Variants in COL24A1 observed in about 807,000 individuals in gnomAD.
COL24A1 encodes the protein collagen type XXIV alpha 1 chain, also known as collagen alpha-1(XXIV) chain.
A neutral mutation model predicts 253.9 loss-of-function variants in COL24A1; 224 were observed. The observed-to-expected ratio is 0.88, with a 90% CI of 0.79 to 0.99. The LOEUF is 0.99. Among genes scored for constraint, COL24A1 ranks in the 50% least tolerant of loss-of-function variants. The pLI, the probability that COL24A1 is intolerant of heterozygous loss-of-function variation, is 0.00. For missense variants in COL24A1, 2,131 were observed against 2,068.5 expected (o/e 1.03, Z -0.59); for synonymous variants, 685 against 673.7 (o/e 1.02, Z -0.26).
chr1:85,848,299 G>T (rs1016340463), intron 38 of COL24A1, among the ~76,000 whole-genome samples: 2 of 152,006 alleles, frequency 1.3e-5, no homozygotes, highest in African/African-American at 4.8e-5. Flanking sequence ...TAGACACACT[G>T]ACCTTTCTTT....
intron 37 of COL24A1, among the ~76,000 whole-genome samples, chr1:85,858,633 T>A (rs1025122223): frequency 8.0e-6 from 1 of 124,326 alleles, no homozygotes; most frequent in African/African-American, 3.7e-5. Flanking sequence ...CCTTCCTTCC[T>A]TCCTTCCTTC....
intron 24 of COL24A1, among the ~76,000 whole-genome samples, chr1:85,918,874 T>C (rs1686174026): frequency 6.6e-6 from 1 of 152,214 alleles, no homozygotes; most frequent in Non-Finnish European, 1.5e-5. Context: ...GTTTGAAATA[T>C]TCACTGCTCC....
intron 2 of COL24A1, among the ~76,000 whole-genome samples, chr1:86,128,882 A>G (rs922458320): frequency 4.6e-5 from 7 of 152,034 alleles, no homozygotes; most frequent in Non-Finnish European, 1.0e-4. Flanking sequence ...TAATAGTTTT[A>G]TGTAGAATCA....
chr1:85,852,769 A>G (rs1482586351), intron 37 of COL24A1, among the ~76,000 whole-genome samples: 1 of 152,096 alleles, frequency 6.6e-6, no homozygotes, highest in Non-Finnish European at 1.5e-5. Flanking sequence ...AAAATATCTA[A>G]CTGCTCATTG....
intron 2 of COL24A1, among the ~76,000 whole-genome samples, chr1:86,129,745 G>C (rs1272631307): frequency 6.6e-6 from 1 of 151,720 alleles, no homozygotes; most frequent in African/African-American, 2.4e-5. Flanking sequence ...ATAGTATTAT[G>C]ATCAGAGAAT....
At chr1:85,777,886 A>T (rs1231565833) in intron 52 of COL24A1, among the ~76,000 whole-genome samples, 1 of 152,098 alleles carries the variant, frequency 6.6e-6, no homozygotes, top group Non-Finnish European at 1.5e-5. Flanking sequence ...TTTTATTATA[A>T]AACAATAGTT....
chr1:85,733,430 G>C (rs1431159252), intron 59 of COL24A1, among the ~76,000 whole-genome samples: 1 of 152,172 alleles, frequency 6.6e-6, no homozygotes, highest in Non-Finnish European at 1.5e-5. Flanking sequence ...TAGATAATAA[G>C]TAAATGAATT....
intron 51 of COL24A1, 102 bp from the exon 52 acceptor site, chr1:85,781,375 A>C: frequency 1.3e-6 from 1 of 748,826 alleles, no homozygotes; most frequent in African/African-American, 1.8e-5. Context: ...TGTCTACATA[A>C]TTATCCTTTT....
chr1:86,050,292 C>T, intron 10 of COL24A1, 115 bp from the exon 11 acceptor site: 2 of 701,666 alleles, frequency 2.9e-6, no homozygotes, highest in South Asian at 3.1e-5. Flanking sequence ...ACAAGACTTA[C>T]AAGTGCGAAT....
intron 7 of COL24A1, among the ~76,000 whole-genome samples, chr1:86,081,676 G>A (rs1469154467): frequency 2.6e-5 from 4 of 152,144 alleles, no homozygotes; most frequent in African/African-American, 4.8e-5. Context: ...AATTGGTCAC[G>A]ATGCACTCCA....
At chr1:85,837,726 T>C (rs1676169691) in intron 43 of COL24A1, among the ~76,000 whole-genome samples, 1 of 152,170 alleles carries the variant, frequency 6.6e-6, no homozygotes, top group African/African-American at 2.4e-5. Flanking sequence ...GAGAGCAAGA[T>C]TACCGTTAGT....
rs1240422146 is a variant in COL24A1, at chr1:85,823,874, G to A, written c.3682-136C>T. On this transcript the variant is annotated intron_variant, in intron 43 of 59. Coordinates refer to ENST00000370571, the MANE Select transcript of COL24A1 (RefSeq NM_152890.7). ...GTCGTAGAGATTATGATTCTTCTTG[G>A]AAATAGAAAAGAACATAATAGCTGT... The A allele has an allele frequency of 3.9e-6, 3 of 762,190 alleles. No individual in the cohort carries two copies. In the East Asian group the frequency reaches 7.7e-5, roughly 19 times the overall value. The allele number at this position is 762,190 out of a possible 1,614,324, so 47.2% of individuals were successfully genotyped here.
chr1:86,064,578 C>T (rs756381160), intron 7 of COL24A1, among the ~76,000 whole-genome samples: 6 of 152,078 alleles, frequency 3.9e-5, no homozygotes, highest in Admixed American at 6.6e-5. Flanking sequence ...AAAGAAATTC[C>T]TTTTCTTAAG....
chr1:85,989,881 C>G lies in COL24A1; in HGVS notation c.2311-2227G>C, dbSNP rs578091006. Reference sequence around the variant, plus strand: ...TTACTTGCAAACTTTTCTTTGACCTCCATACCTTGAATTAGGTTGCTTCTA... The same window carrying G: ...TTACTTGCAAACTTTTCTTTGACCTGCATACCTTGAATTAGGTTGCTTCTA... On this transcript the variant is annotated intron_variant, in intron 19 of 59. Coordinates refer to ENST00000370571, the MANE Select transcript of COL24A1 (RefSeq NM_152890.7). 1.2e-4 allele frequency among the ~76,000 whole-genome samples: 18 copies of G among 152,304 alleles called. No homozygotes were observed. In the South Asian group the frequency reaches 2.7e-3, roughly 23 times the overall value.
At chr1:85,786,242 C>A (rs1166150900) in intron 48 of COL24A1, 112 bp downstream of exon 48, 2 of 938,772 alleles carry the variant, frequency 2.1e-6, no homozygotes, top group Non-Finnish European at 3.1e-6. Context: ...TTACTATTAG[C>A]CAAATTCTAT....
intron 12 of COL24A1, chr1:86,045,938 T>C (rs1026600417): frequency 2.6e-6 from 1 of 385,338 alleles, no homozygotes; most frequent in African/African-American, 2.1e-5. Context: ...GGATTCTGGA[T>C]TTAGATTCAG....
chr1:85,949,055 G>A (rs1689637828), intron 24 of COL24A1, among the ~76,000 whole-genome samples: 1 of 151,924 alleles, frequency 6.6e-6, no homozygotes, highest in Non-Finnish European at 1.5e-5. Flanking sequence ...TGACATATTG[G>A]TATCTTCTAC....
chr1:86,066,076 T>A (rs1701453185), intron 7 of COL24A1, among the ~76,000 whole-genome samples: 1 of 152,108 alleles, frequency 6.6e-6, no homozygotes, highest in Non-Finnish European at 1.5e-5. Flanking sequence ...ATTCACAAAC[T>A]AATGCTGCTA....
chr1:85,772,524 G>T (rs145524047), intron 53 of COL24A1, among the ~76,000 whole-genome samples: 1 of 151,300 alleles, frequency 6.6e-6, no homozygotes, highest in East Asian at 2.0e-4. Flanking sequence ...TTATTGCGGC[G>T]TTATTCACAA....
Sources: allele counts gnomAD v4.1 joint callset (sites outside exome capture counted in the v4.1 genomes callset), GRCh38; gene constraint gnomAD v4.1.1; transcripts MANE v1.5; gene names NCBI Gene and HGNC (gene_info 2026-07-23, HGNC 2026-07-21).